KSR1: variants seen among roughly 807,000 people sequenced by gnomAD.
KSR1 encodes kinase suppressor of ras 1, also known as kinase suppressor of ras.
Under a neutral mutation model 92.9 loss-of-function variants are expected in KSR1, and 35 were observed. The observed-to-expected ratio is 0.38, with a 90% CI of 0.29 to 0.50. The LOEUF is 0.50. KSR1 is among the 20% of genes least tolerant of loss of function. The pLI is 0.94. For synonymous variants in KSR1, 467 were observed against 472.6 expected (o/e 0.99, Z 0.15); for missense variants, 972 against 1,158.5 (o/e 0.84, Z 2.34).
chr17:27,611,407 C>A, intron 17 of KSR1, 87 bp from the exon 18 acceptor site: 1 of 1,566,726 alleles, frequency 6.4e-7, no homozygotes. Flanking sequence ...GGTCCTGATC[C>A]TCTGGCTGGG....
chr17:27,498,337 CAAA>C (rs761230745), intron 1 of KSR1, among the ~76,000 whole-genome samples: 4 of 52,266 alleles, frequency 7.7e-5, no homozygotes, highest in African/African-American at 1.2e-4. Context: ...GACTCAGTCT[CAAA>C]AAAAAAAAAA....
chr17:27,616,423 C>T (rs2074056614), intron 18 of KSR1, among the ~76,000 whole-genome samples: 1 of 152,142 alleles, frequency 6.6e-6, no homozygotes, highest in Non-Finnish European at 1.5e-5. Flanking sequence ...CAAGCACTTT[C>T]TTATTTGTTG....
intron 1 of KSR1, among the ~76,000 whole-genome samples, chr17:27,511,678 A>G (rs1298017735): frequency 6.6e-6 from 1 of 152,164 alleles, no homozygotes; most frequent in Non-Finnish European, 1.5e-5. Flanking sequence ...ATTTAGAGGC[A>G]GCTTGGTCAG....
At chr17:27,599,399 A>ATT (rs2073463523) in intron 10 of KSR1, among the ~76,000 whole-genome samples, 1 of 152,186 alleles carries the variant, frequency 6.6e-6, no homozygotes. Flanking sequence ...CTCTACTAAA[A>ATT]ATACAAAATT....
At chr17:27,544,420 T>C (rs1218345391) in intron 1 of KSR1, among the ~76,000 whole-genome samples, 1 of 152,154 alleles carries the variant, frequency 6.6e-6, no homozygotes, top group Non-Finnish European at 1.5e-5. Flanking sequence ...GATCTTTGAT[T>C]TTAGATGTTA....
intron 1 of KSR1, among the ~76,000 whole-genome samples, chr17:27,536,478 A>G (rs899363167): frequency 1.3e-5 from 2 of 152,200 alleles, no homozygotes; most frequent in African/African-American, 4.8e-5. Context: ...TGCTTCTTAA[A>G]TGATTTTCCT....
intron 1 of KSR1, among the ~76,000 whole-genome samples, chr17:27,540,356 A>T (rs2948533): frequency 0.41 from 62,546 of 152,072 alleles, 13,569 homozygotes; most frequent in African/African-American, 0.54. Flanking sequence ...CCAGTGGAGC[A>T]TAGGGAAGGG....
At chr17:27,607,488 G>GA (rs954791587) in intron 14 of KSR1, among the ~76,000 whole-genome samples, 2 of 151,586 alleles carry the variant, frequency 1.3e-5, no homozygotes, top group Non-Finnish European at 3.0e-5. Context: ...CTGTGATCAA[G>GA]AAAAAATGAA....
intron 1 of KSR1, among the ~76,000 whole-genome samples, chr17:27,547,966 G>C (rs569334403): frequency 1.3e-5 from 2 of 152,324 alleles, no homozygotes; most frequent in African/African-American, 4.8e-5. Flanking sequence ...ACCTGCCTTG[G>C]CGTCCCAAAG....
chr17:27,521,329 C>A (rs1235887205), intron 1 of KSR1, among the ~76,000 whole-genome samples: 2 of 150,856 alleles, frequency 1.3e-5, no homozygotes, highest in African/African-American at 4.9e-5. Context: ...TGACAAAGGC[C>A]ATTCCTTTTT....
At chr17:27,609,759 A>G (rs16966354) in intron 16 of KSR1, 59,101 of 352,396 alleles carry the variant, frequency 0.17, 6,347 homozygotes, top group African/African-American at 0.32. Context: ...CAGGCAGATC[A>G]GGGTTCCTGG....
intron 1 of KSR1, among the ~76,000 whole-genome samples, chr17:27,477,926 T>C (rs944072471): frequency 3.9e-5 from 6 of 152,294 alleles, no homozygotes; most frequent in Non-Finnish European, 7.4e-5. Context: ...TTGCCCAGGC[T>C]GGTCTTGAAC....
intron 1 of KSR1, among the ~76,000 whole-genome samples, chr17:27,492,577 G>C (rs946318115): frequency 1.3e-5 from 2 of 152,166 alleles, no homozygotes; most frequent in African/African-American, 4.8e-5. Flanking sequence ...GGGATCAAAA[G>C]AGGTGAGTCC....
chr17:27,501,025 T>C lies in KSR1; in HGVS notation c.231+44151T>C, dbSNP rs58123734. Among the ~76,000 whole-genome samples the C allele has an allele frequency of 5.9e-3, 896 of 152,304 alleles. 9 individuals carry two copies. The highest frequency in any genetic ancestry group is 0.02 in the African/African-American group (816 of 41,574). On this transcript the variant is annotated intron_variant, in intron 1 of 20. Coordinates refer to ENST00000644974, the MANE Select transcript of KSR1 (RefSeq NM_001394583.1). ...CCTATGTACCAGGCATTGTGCTAGG[T>C]TGCATGAGCTCCAGGATACAGAATT...
At chr17:27,489,998 G>A (rs1023956003) in intron 1 of KSR1, among the ~76,000 whole-genome samples, 5 of 152,250 alleles carry the variant, frequency 3.3e-5, no homozygotes, top group African/African-American at 7.2e-5. Context: ...GAAGCATTGT[G>A]TGTGTGCATG....
intron 1 of KSR1, among the ~76,000 whole-genome samples, chr17:27,547,380 T>C (rs184486707): frequency 1.9e-4 from 29 of 152,370 alleles, no homozygotes; most frequent in African/African-American, 6.7e-4. Context: ...ACTTTTATTT[T>C]CATTAACCTT....
chr17:27,598,080 GCCTCT>G (rs2073412046), intron 10 of KSR1, among the ~76,000 whole-genome samples: 1 of 152,172 alleles, frequency 6.6e-6, no homozygotes, highest in Non-Finnish European at 1.5e-5. Context: ...CAGGATTCCA[GCCTCT>G]CCTGCCCTCA....
At chr17:27,609,038 T>G (rs1000862416) in intron 15 of KSR1, among the ~76,000 whole-genome samples, 158 bp from the exon 16 acceptor site, 2 of 152,198 alleles carry the variant, frequency 1.3e-5, no homozygotes, top group Non-Finnish European at 1.5e-5. Flanking sequence ...GCAAGTGACT[T>G]TCCCTCTCTG....
intron 1 of KSR1, among the ~76,000 whole-genome samples, chr17:27,545,205 G>A (rs1053928079): frequency 2.6e-5 from 4 of 152,096 alleles, no homozygotes; most frequent in Non-Finnish European, 5.9e-5. Context: ...ATCTCTACCG[G>A]CCTTTAAAAA....
Sources: gnomAD v4.1 joint callset for allele counts (sites outside exome capture counted in the v4.1 genomes callset) on GRCh38, gnomAD v4.1.1 for gene constraint, MANE v1.5 for transcripts, NCBI Gene and HGNC (gene_info 2026-07-23, HGNC 2026-07-21) for gene names.